FCRL3: variants seen among roughly 807,000 people sequenced by gnomAD.
FCRL3 encodes Fc receptor like 3.
In FCRL3, 89 loss-of-function variants were observed where a neutral mutation model predicts 75.0. The ratio of observed to expected loss-of-function variants is 1.19; its 90% CI spans 1.00 to 1.42. The LOEUF (loss-of-function observed/expected upper bound fraction) is 1.42, where lower values mean the gene tolerates loss of function less well. Among genes scored for constraint, FCRL3 ranks in the 40% most tolerant of loss-of-function variants. The probability of loss-of-function intolerance (pLI) is 0.00; values close to 1 mark genes in which losing one functional copy is unlikely to be tolerated. For synonymous variants in FCRL3, 376 were observed against 348.5 expected, an observed-to-expected ratio of 1.08 and a Z score of -0.88; for missense variants, 946 against 880.0, an observed-to-expected ratio of 1.07 and a Z score of -0.95.
At position 157,697,173 on chromosome 1, in the gene FCRL3, T is replaced by A. The variant is rs771261490; in HGVS notation, c.811A>T (p.Lys271Ter). 3 of 1,514,980 alleles carry A rather than the reference T, an allele frequency of 2.0e-6. No individual in the cohort carries two copies. The African/African-American group carries it at 4.2e-5, about 21-fold the overall frequency. 93.8% of individuals were successfully genotyped at this position (1,514,980 alleles called of 1,614,324 possible). Reference protein sequence around the residue: ...EVETVTHSIKKRSLRSQIRVQ... With the variant: ...EVETVTHSIK ...CGTATCTGAGATCTCAGGCTCCTTT[T>A]TTTGATGCTGTGAGTCACTGTCTCC... The change falls in exon 6 of 15, where the codon AAA becomes TAA. Residue 271 changes from lysine (K) to a stop codon, truncating the protein, a stop_gained. Coordinates refer to ENST00000368184, the MANE Select transcript of FCRL3 (RefSeq NM_052939.4). LOFTEE classifies it high-confidence loss of function.
chr1:157,700,944 G>A (rs921361355), upstream of FCRL3: 5 of 178,704 alleles, frequency 2.8e-5, no homozygotes, highest in Admixed American at 2.8e-4. Flanking sequence ...CACAGTCAAG[G>A]TGTCAAGCAT....
At chr1:157,683,071 C>A in intron 11 of FCRL3, 146 bp downstream of exon 11, 1 of 807,020 alleles carries the variant, frequency 1.2e-6, no homozygotes, top group Non-Finnish European at 2.0e-6. Flanking sequence ...GTGAAAGTGA[C>A]ATTCACTTAT....
rs1656101886 is a variant in FCRL3, at chr1:157,698,440, T to A, written c.242A>T (p.Gln81Leu). ...GAGGGAGGATCCTCGGGTCTTACAT[T>A]GGTAATTTCCAGGCTCTGTAATTTG... is the stretch of plus-strand genomic sequence containing the variant. Reference protein sequence around the residue: ...KIQITEPGNYQCKTRGSSLSD... With the variant: ...KIQITEPGNYLCKTRGSSLSD... Residue 81 changes from glutamine (Q) to leucine (L), a missense_variant, in exon 4 of 15, where the codon CAA becomes CTA. Transcript: ENST00000368184. 6.2e-7 allele frequency: 1 copy of A among 1,614,082 alleles called. No homozygotes were observed. Among genetic ancestry groups the A allele is most frequent in the East Asian group, 2.2e-5 (1 of 44,878 alleles).
At position 157,690,999 on chromosome 1, in the gene FCRL3, C is replaced by CTATGTATGTATGTATG. The variant is rs57070872; in HGVS notation, c.1412-482_1412-467dup. ...GCATTTAGCACTACCTGACATCTGT[C>CTATGTATGTATGTATG]TATGTATGTATGTATGTATGTATGT... On this transcript the variant is annotated intron_variant, in intron 8 of 14. Transcript: ENST00000368184. Among the ~76,000 whole-genome samples the CTATGTATGTATGTATG allele has an allele frequency of 3.1e-3, 461 of 148,996 alleles. 4 individuals carry two copies. Among genetic ancestry groups the CTATGTATGTATGTATG allele is most frequent in the African/African-American group, 7.0e-3 (281 of 39,972 alleles).
intron 10 of FCRL3, among the ~76,000 whole-genome samples, chr1:157,685,262 C>T (rs1246195098): frequency 6.6e-6 from 1 of 151,678 alleles, no homozygotes; most frequent in African/African-American, 2.4e-5. Context: ...TGTGACTAGC[C>T]TTCTATAAGT....
intron 13 of FCRL3, 67 bp from the exon 14 acceptor site, chr1:157,679,040 G>T: frequency 1.3e-6 from 2 of 1,529,504 alleles, no homozygotes; most frequent in Non-Finnish European, 1.8e-6. Context: ...TACAACGTAC[G>T]CACACTGCAT....
chr1:157,699,097 C>T (rs1324088374), intron 3 of FCRL3, among the ~76,000 whole-genome samples: 1 of 152,162 alleles, frequency 6.6e-6, no homozygotes, highest in Non-Finnish European at 1.5e-5. Flanking sequence ...TTATATCTCT[C>T]TTAGCTTTGA....
At position 157,679,048 on chromosome 1, in the gene FCRL3, C is replaced by A. The variant is rs115274198; in HGVS notation, c.2027-75G>T. Reference sequence around the variant, plus strand: ...TCCAACTTACAACGTACGCACACTGCATTCCAAACCAATCTTCTTGATTTG... The same window carrying A: ...TCCAACTTACAACGTACGCACACTGAATTCCAAACCAATCTTCTTGATTTG... On this transcript the variant is annotated intron_variant, in intron 13 of 14. Coordinates refer to ENST00000368184, the MANE Select transcript of FCRL3 (RefSeq NM_052939.4). The A allele has an allele frequency of 7.0e-3, 10,254 of 1,470,968 alleles. 52 individuals are homozygous for A. Among genetic ancestry groups the A allele is most frequent in the Non-Finnish European group, 7.8e-3 (8,170 of 1,051,256 alleles). The allele number at this position is 1,470,968 out of a possible 1,614,324, so 91.1% of individuals were successfully genotyped here. A position where few individuals can be genotyped will look rare whatever the true frequency, so the allele number is the denominator to read the frequency against.
At chr1:157,697,079 A>C in intron 6 of FCRL3, 61 bp downstream of exon 6, 2 of 1,367,394 alleles carry the variant, frequency 1.5e-6, no homozygotes, top group Non-Finnish European at 1.9e-6. Flanking sequence ...GGTGCAGGAG[A>C]TATCACTGGC....
chr1:157,700,665 C>G lies in FCRL3; in HGVS notation c.-100G>C. The G allele has an allele frequency of 1.4e-6, 2 of 1,467,276 alleles. No individual in the cohort carries two copies. Among genetic ancestry groups the G allele is most frequent in the African/African-American group, 2.9e-5 (2 of 70,120 alleles). The allele number at this position is 1,467,276 out of a possible 1,614,324, so 90.9% of individuals were successfully genotyped here. A position where few individuals can be genotyped will look rare whatever the true frequency, so the allele number is the denominator to read the frequency against. ...CTGAAAATGTGAATGTGGCTACCTTCCTAAATGCTGTTTGTATCTCAATCC... is the reference window on the plus strand; with the variant it reads ...CTGAAAATGTGAATGTGGCTACCTTGCTAAATGCTGTTTGTATCTCAATCC... On this transcript the variant is annotated 5_prime_UTR_variant, in exon 1 of 15. Coordinates refer to ENST00000368184, the MANE Select transcript of FCRL3 (RefSeq NM_052939.4).
At chr1:157,690,164 C>A (rs1655424569) in intron 9 of FCRL3, 91 bp downstream of exon 9, 2 of 1,523,066 alleles carry the variant, frequency 1.3e-6, no homozygotes, top group Non-Finnish European at 1.8e-6. Flanking sequence ...TGTTCAAAAC[C>A]TCCTTGGTGC....
Position 157,678,786 on chromosome 1 carries a change from C to T in FCRL3, c.2129G>A (p.Arg710Lys). The T allele has an allele frequency of 6.2e-7, 1 of 1,614,118 alleles. No homozygotes were observed. The highest frequency in any genetic ancestry group is 2.2e-5 in the East Asian group (1 of 44,882). Residue 710 changes from arginine to lysine, a missense_variant, in exon 15 of 15, where the codon AGA becomes AAA. Arg to Lys is a conservative substitution (Grantham distance 26). Transcript: ENST00000368184. ...PDDSAGEASS[R>K]GRAHEEDDEE... ...ATCATCTTCTTCATGGGCCCTGCCTCTGCTGCTAGCCTCCCCTGCAGAGTC... is the reference window on the plus strand; with the variant it reads ...ATCATCTTCTTCATGGGCCCTGCCTTTGCTGCTAGCCTCCCCTGCAGAGTC...
chr1:157,697,222 G>A lies in FCRL3; in HGVS notation c.762C>T (p.Asp254=). Residue 254 remains aspartate (D), a synonymous_variant, in exon 6 of 15, where the codon GAC becomes GAT. Transcript: ENST00000368184. ...RLQIPAMWTE[D]SGSYWCEVET... ...CCACCTCACACCAGTAAGACCCTGA[G>A]TCTTCAGTCCACATGGCAGGGATCT... The A allele has an allele frequency of 3.1e-6, 5 of 1,596,660 alleles. No homozygotes were observed. The highest frequency in any genetic ancestry group is 4.3e-6 in the Non-Finnish European group (5 of 1,170,932).
Position 157,678,557 on chromosome 1 carries a change from A to G in FCRL3, c.*153T>C. The stretch of plus-strand genomic sequence containing the variant: ...CCTGGGGAACACACAGATCAGGCAC[A>G]GGGGAGATTTGCAGACCTTTTGCTC... On this transcript the variant is annotated 3_prime_UTR_variant, in exon 15 of 15. Transcript: ENST00000368184. 6.7e-7 allele frequency: 1 copy of G among 1,487,562 alleles called. No individual in the cohort carries two copies. Among genetic ancestry groups the G allele is most frequent in the Admixed American group, 2.4e-5 (1 of 41,818 alleles). The allele number at this position is 1,487,562 out of a possible 1,614,324, so 92.1% of individuals were successfully genotyped here.
In FCRL3 at chr1:157,677,386, T is replaced by C. The variant is rs756039765; in HGVS notation, c.*1324A>G. The C allele has an allele frequency of 1.2e-5, 12 of 985,828 alleles. No individual in the cohort carries two copies. The highest frequency in any genetic ancestry group is 1.3e-5 in the Non-Finnish European group (11 of 830,214). 61.1% of individuals were successfully genotyped at this position (985,828 alleles called of 1,614,324 possible). On this transcript the variant is annotated 3_prime_UTR_variant, in exon 15 of 15. Transcript: ENST00000368184. ...ATGTGGTGCTTTGAAAGGGACTTGG[T>C]GTTCCTACATGAACCAAGTGAAGGC...
chr1:157,699,831 G>C, intron 2 of FCRL3, 119 bp from the exon 3 acceptor site: 1 of 1,103,802 alleles, frequency 9.1e-7, no homozygotes, highest in South Asian at 1.4e-5. Context: ...ATATCATCCA[G>C]AGCCCCTAAA....
Position 157,678,932 on chromosome 1 carries a change from T to A in FCRL3, c.2058+10A>T. 1 of 1,614,110 alleles carries A rather than the reference T, an allele frequency of 6.2e-7. No homozygotes were observed. The highest frequency in any genetic ancestry group is 8.5e-7 in the Non-Finnish European group (1 of 1,179,998). Reference sequence around the variant, plus strand: ...CCAGAGAGGAAAGAAAGCCAAGAAATGTGACTCACCTCATGCTCTTGATGC... The same window carrying A: ...CCAGAGAGGAAAGAAAGCCAAGAAAAGTGACTCACCTCATGCTCTTGATGC... On this transcript the variant is annotated intron_variant, in intron 14 of 14. Transcript: ENST00000368184.
At position 157,695,339 on chromosome 1, in the gene FCRL3, G is replaced by A; in HGVS notation, c.1401C>T (p.Leu467=). 6.2e-7 allele frequency: 1 copy of A among 1,613,520 alleles called. No homozygotes were observed. Among genetic ancestry groups the A allele is most frequent in the Non-Finnish European group, 8.5e-7 (1 of 1,179,614 alleles). ...GTATATCTTGCTTACCTGTGACCCT[G>A]AGACTCACTCCATGACTGTGCTGGG... ...LGAQHSHGVS[L]RVTVPVSRPV... is the part of the protein sequence containing the mutation. Residue 467 remains leucine, a synonymous_variant, in exon 8 of 15, where the codon CTC becomes CTT. Transcript: ENST00000368184.
chr1:157,697,320 C>T lies in FCRL3; in HGVS notation c.664G>A (p.Val222Ile). ...CTGAAGAGGGAGAATTGCAGCTGGA[C>T]ATCTGGCCTCTGTGGAGAGAGCTGG... Reference protein sequence around the residue: ...ETQLSPQRPDVQLQFSLFRDS... With the variant: ...ETQLSPQRPDIQLQFSLFRDS... The change falls in exon 6 of 15, where the codon GTC (valine) becomes ATC (isoleucine). Residue 222 changes from valine to isoleucine, a missense_variant. By Grantham distance (29) the Val-to-Ile change is conservative. Transcript: ENST00000368184. 2.5e-6 allele frequency: 4 copies of T among 1,612,562 alleles called. No individual in the cohort carries two copies. Among genetic ancestry groups the T allele is most frequent in the Non-Finnish European group, 2.5e-6 (3 of 1,179,104 alleles).
Sources: allele counts gnomAD v4.1 joint callset (sites outside exome capture counted in the v4.1 genomes callset), GRCh38; gene constraint gnomAD v4.1.1; transcripts MANE v1.5; gene names NCBI Gene and HGNC (gene_info 2026-07-23, HGNC 2026-07-21).